Variants in TRRAP observed in about 807,000 individuals in gnomAD.
The protein encoded by TRRAP is transformation/transcription domain associated protein.
Under a neutral mutation model 438.8 loss-of-function variants are expected in TRRAP, and 41 were observed. The ratio of observed to expected loss-of-function variants is 0.09; its 90% CI spans 0.07 to 0.12. The LOEUF is 0.12. Ranked by LOEUF, TRRAP falls within the 10% of genes least tolerant of loss-of-function variation. The pLI is 1.00. For missense variants in TRRAP, 3,122 were observed against 5,055.1 expected (o/e 0.62, Z 11.60); for synonymous variants, 1,994 against 1,962.9 (o/e 1.02, Z -0.42).
intron 13 of TRRAP, among the ~76,000 whole-genome samples, chr7:98,907,971 G>C (rs1384833971): frequency 1.3e-5 from 2 of 152,226 alleles, no homozygotes; most frequent in African/African-American, 4.8e-5. Context: ...GGCTACTTCA[G>C]GCAGTTACCA....
intron 24 of TRRAP, among the ~76,000 whole-genome samples, 178 bp downstream of exon 24, chr7:98,930,384 C>G (rs1790271410): frequency 6.6e-6 from 1 of 152,148 alleles, no homozygotes; most frequent in Non-Finnish European, 1.5e-5. Flanking sequence ...CGAGACCAGC[C>G]TGACCAACAT....
rs552069623 is a variant in TRRAP at position 98,999,444 on chromosome 7, A to G, written c.10309+4596A>G. On this transcript the variant is annotated intron_variant, in intron 67 of 72. Transcript: ENST00000456197. ...TCCTCCAAAATCTAGCTCTGATGGGAGGGGCTTGAGCTATCCTTCTCGGCA... is the reference window on the plus strand; with the variant it reads ...TCCTCCAAAATCTAGCTCTGATGGGGGGGGCTTGAGCTATCCTTCTCGGCA... 5.2e-4 allele frequency: 469 copies of G among 909,860 alleles called. 8 individuals are homozygous for G. In the South Asian group the frequency reaches 6.1e-3, roughly 12 times the overall value. 56.4% of individuals were successfully genotyped at this position (909,860 alleles called of 1,614,324 possible).
In TRRAP at chr7:98,953,263, A is replaced by G. The variant is rs782471002; in HGVS notation, c.5560A>G (p.Ile1854Val). The G allele has an allele frequency of 6.8e-6, 11 of 1,613,586 alleles. No individual in the cohort carries two copies. Among genetic ancestry groups the G allele is most frequent in the Middle Eastern group, 1.6e-4 (1 of 6,062 alleles). ...TLLVEHAPHH[I>V]HDNNKNRNSK... is the part of the protein sequence containing the mutation. ...GCTGGTGGAGCACGCCCCCCACCAC[A>G]TCCATGACAACAACAAGAACCGCAA... The change falls in exon 40 of 73, where the codon ATC (isoleucine) becomes GTC (valine). Residue 1854 changes from isoleucine to valine, a missense_variant. Physicochemically the swap from Ile to Val is conservative, Grantham distance 29. Around this residue, in one of 24 missense-constraint regions of TRRAP, gnomAD observed 272 missense variants for 348.5 expected, o/e 0.78. Transcript: ENST00000456197.
intron 4 of TRRAP, among the ~76,000 whole-genome samples, chr7:98,891,360 T>A (rs1795971796): frequency 6.6e-6 from 1 of 151,170 alleles, no homozygotes; most frequent in South Asian, 2.1e-4. Flanking sequence ...TACAGGTGCA[T>A]GCCACCATGC....
Position 98,902,683 on chromosome 7 carries a change from G to A in TRRAP, c.898-696G>A, listed in dbSNP as rs565680747. Among the ~76,000 whole-genome samples, 70 of 152,080 alleles carry A rather than the reference G, an allele frequency of 4.6e-4. 1 individual carries two copies. The highest frequency in any genetic ancestry group is 1.6e-3 in the African/African-American group (65 of 41,492). On this transcript the variant is annotated intron_variant, in intron 11 of 72. Transcript: ENST00000456197. ...TGGTGAGTGGCCTTCTGCTGACACC[G>A]CAAAAGAAGATTGTGGTTAGAGCCT...
At chr7:98,962,474 C>T (rs779001335) in intron 47 of TRRAP, 47 bp downstream of exon 47, 1 of 1,612,240 alleles carries the variant, frequency 6.2e-7, no homozygotes, top group African/African-American at 1.3e-5. Context: ...AGTTTGGCCT[C>T]TTTCCCCGCT....
intron 28 of TRRAP, among the ~76,000 whole-genome samples, chr7:98,936,509 G>A (rs1465397888): frequency 2.0e-5 from 3 of 152,208 alleles, no homozygotes; most frequent in Admixed American, 6.5e-5. Context: ...AGGTTGAGGT[G>A]TGTCTCCTTC....
In TRRAP at chr7:98,906,213, C is replaced by G; in HGVS notation, c.1073C>G (p.Ser358Cys). The change falls in exon 13 of 73, where the codon TCC (serine) becomes TGC (cysteine). Residue 358 changes from serine to cysteine, a missense_variant. Ser to Cys is a moderately radical substitution (Grantham distance 112). Coordinates refer to ENST00000456197, the MANE Select transcript of TRRAP (RefSeq NM_001375524.1). ...IPCMDKLFDE[S>C]ILIGSGYTAR... is the part of the protein sequence containing the mutation. ...TGCATGGACAAGCTGTTTGATGAAT[C>G]CATACTAATTGGCTCAGGATATACT... 6.2e-7 allele frequency: 1 copy of G among 1,613,884 alleles called. No homozygotes were observed. Among genetic ancestry groups the G allele is most frequent in the Non-Finnish European group, 8.5e-7 (1 of 1,179,884 alleles).
chr7:98,891,243 G>A (rs1338178676), intron 4 of TRRAP, among the ~76,000 whole-genome samples: 13 of 118,544 alleles, frequency 1.1e-4, no homozygotes, highest in Admixed American at 6.1e-4. Flanking sequence ...ACGGAGTCTC[G>A]CTCTGTCACC....
At chr7:98,937,427 T>G (rs898213981) in intron 29 of TRRAP, 150 bp downstream of exon 29, 3 of 1,240,688 alleles carry the variant, frequency 2.4e-6, no homozygotes, top group Non-Finnish European at 3.2e-6. Flanking sequence ...TAAACTGTAA[T>G]AAGAATATAC....
At position 98,976,840 on chromosome 7, in the gene TRRAP, C is replaced by T. The variant is rs959868094; in HGVS notation, c.8247+70C>T. ...GACTTCACACTTTAAATAAATACTC[C>T]TCCCAAATGATTTCAAATGACAGCA... On this transcript the variant is annotated intron_variant, in intron 55 of 72. Coordinates refer to ENST00000456197, the MANE Select transcript of TRRAP (RefSeq NM_001375524.1). This position sits in a 1 kb window ranked among gnomAD's most constrained non-coding sequence, Gnocchi z 4.6. 1.9e-6 allele frequency: 3 copies of T among 1,599,034 alleles called. No homozygotes were observed. Among genetic ancestry groups the T allele is most frequent in the African/African-American group, 1.3e-5 (1 of 74,408 alleles).
intron 49 of TRRAP, among the ~76,000 whole-genome samples, chr7:98,966,502 T>A (rs939085599): frequency 6.6e-6 from 1 of 151,284 alleles, no homozygotes; most frequent in Non-Finnish European, 1.5e-5. Context: ...CTGGCCAACA[T>A]GGTGAAACCC....
At chr7:98,979,570 G>C (rs915435448) in intron 58 of TRRAP, among the ~76,000 whole-genome samples, 2 of 152,140 alleles carry the variant, frequency 1.3e-5, no homozygotes, top group African/African-American at 2.4e-5. Flanking sequence ...ATATTTTGCT[G>C]TCAGAATGCA....
At chr7:98,906,861 T>A (rs1170457299) in intron 13 of TRRAP, among the ~76,000 whole-genome samples, 2 of 152,178 alleles carry the variant, frequency 1.3e-5, no homozygotes, top group African/African-American at 4.8e-5. Flanking sequence ...TGTTTTTTGC[T>A]TTTTGTATAA....
chr7:98,941,275 A>C (rs748342072), intron 30 of TRRAP, among the ~76,000 whole-genome samples: 11 of 152,138 alleles, frequency 7.2e-5, no homozygotes, highest in Non-Finnish European at 1.3e-4. Context: ...TCCTGGGTTC[A>C]AGCAATCCTC....
chr7:98,937,844 T>C, intron 30 of TRRAP, 24 bp downstream of exon 30: 1 of 1,589,982 alleles, frequency 6.3e-7, no homozygotes. Context: ...ATTTAAACGC[T>C]CTGTAACAAA....
Position 98,975,913 on chromosome 7 carries a change from C to T in TRRAP, c.7840-236C>T, listed in dbSNP as rs1458306134. ...CTTAAAAACTAAGGACAAATGCAGG[C>T]GCCATTGCTGAGCCTCTCGGGATGC... On this transcript the variant is annotated intron_variant, in intron 53 of 72. Coordinates refer to ENST00000456197, the MANE Select transcript of TRRAP (RefSeq NM_001375524.1). 6 of 482,780 alleles carry T rather than the reference C, an allele frequency of 1.2e-5. No individual in the cohort carries two copies. The East Asian group carries it at 1.7e-4, about 14-fold the overall frequency. 29.9% of individuals were successfully genotyped at this position (482,780 alleles called of 1,614,324 possible).
chr7:98,999,433 G>T, intron 67 of TRRAP: 3 of 972,640 alleles, frequency 3.1e-6, no homozygotes, highest in East Asian at 2.4e-5. Flanking sequence ...CCAAAATCTA[G>T]CTCTGATGGG....
Position 98,927,266 on chromosome 7 carries a change from C to T in TRRAP, c.3075C>T (p.Ala1025=). 1 of 1,614,228 alleles carries T rather than the reference C, an allele frequency of 6.2e-7. No individual in the cohort carries two copies. The highest frequency in any genetic ancestry group is 1.1e-5 in the South Asian group (1 of 91,086). ...CTTTTGAGCAGGCCCTGACAGGCGC[C>T]TTCATGTCTGCTGTCATTAAGGACC... ...RKTFEQALTG[A]FMSAVIKDLR... The change falls in exon 23 of 73, where the codon GCC becomes GCT. Residue 1025 remains alanine (A), a synonymous_variant. Transcript: ENST00000456197.
Sources: gnomAD v4.1 joint callset for allele counts (sites outside exome capture counted in the v4.1 genomes callset) on GRCh38, gnomAD v4.1.1 for gene constraint, gnomAD v4.1.1 regional missense constraint, Gnocchi (gnomAD v3.1) non-coding constraint, MANE v1.5 for transcripts, NCBI Gene and HGNC (gene_info 2026-07-23, HGNC 2026-07-21) for gene names.